The following SLC15A5 variants were observed in gnomAD, a reference collection of about 807,000 sequenced individuals.
The protein encoded by SLC15A5 is Peptide/histidine transporter ENSP00000340402.
A neutral mutation model predicts 56.1 loss-of-function variants in SLC15A5; 58 were observed. The observed-to-expected ratio is 1.03, with a 90% CI of 0.84 to 1.29. SLC15A5 has a LOEUF of 1.29. SLC15A5 is among the 50% of genes most tolerant of loss of function. The pLI, the probability that SLC15A5 is intolerant of heterozygous loss-of-function variation, is 0.00. For synonymous variants in SLC15A5, 264 were observed against 250.5 expected (o/e 1.05, Z -0.51); for missense variants, 681 against 672.1 (o/e 1.01, Z -0.15).
At chr12:16,193,402 G>A (rs1343951990) in intron 8 of SLC15A5, among the ~76,000 whole-genome samples, 4 of 152,000 alleles carry the variant, frequency 2.6e-5, no homozygotes, top group African/African-American at 9.7e-5. Context: ...AATGAGAGCA[G>A]AACACTGGTG....
chr12:16,239,222 A>T (rs1028746080), intron 5 of SLC15A5, among the ~76,000 whole-genome samples: 1 of 140,102 alleles, frequency 7.1e-6, no homozygotes, highest in African/African-American at 2.7e-5. Context: ...TTATGTTCTG[A>T]GAATGATATC....
At chr12:16,270,616 A>G (rs1381345855) in intron 2 of SLC15A5, among the ~76,000 whole-genome samples, 1 of 152,312 alleles carries the variant, frequency 6.6e-6, no homozygotes, top group East Asian at 1.9e-4. Context: ...TTTATATATA[A>G]GTGATACAAT....
At chr12:16,266,525 C>T (rs1320433354) in intron 2 of SLC15A5, among the ~76,000 whole-genome samples, 2 of 152,086 alleles carry the variant, frequency 1.3e-5, no homozygotes, top group Non-Finnish European at 2.9e-5. Flanking sequence ...TAACAAATGC[C>T]ACCCAACATA....
intron 5 of SLC15A5, among the ~76,000 whole-genome samples, chr12:16,226,496 A>G (rs1864242461): frequency 6.6e-6 from 1 of 152,160 alleles, no homozygotes; most frequent in African/African-American, 2.4e-5. Context: ...ATATAAAATT[A>G]TCTTTATATA....
chr12:16,257,745 G>A lies in SLC15A5; in HGVS notation c.710C>T (p.Thr237Ile), dbSNP rs779275560. 2.6e-6 allele frequency: 4 copies of A among 1,525,414 alleles called. No individual in the cohort carries two copies. The highest frequency in any genetic ancestry group is 2.1e-5 in the Admixed American group (1 of 48,358). The allele number at this position is 1,525,414 out of a possible 1,614,324, so 94.5% of individuals were successfully genotyped here. Residue 237 changes from threonine to isoleucine, a missense_variant, in exon 3 of 9, where the codon ACT becomes ATT. Transcript: ENST00000344941. ...PFMSMLMAVI[T>I]LHMIYYNLIY... ...TAGGTTGTAGTATATCATATGAAGA[G>A]TTATCACAGCCATAAGCATAGACAT...
intron 5 of SLC15A5, among the ~76,000 whole-genome samples, chr12:16,238,390 G>A (rs1864372882): frequency 6.6e-6 from 1 of 152,116 alleles, no homozygotes; most frequent in Admixed American, 6.5e-5. Context: ...CACTTTGGGA[G>A]GCCGAGGCGG....
At chr12:16,260,191 A>G (rs1864629932) in intron 2 of SLC15A5, among the ~76,000 whole-genome samples, 1 of 152,114 alleles carries the variant, frequency 6.6e-6, no homozygotes, top group African/African-American at 2.4e-5. Flanking sequence ...GTGTAAGGGG[A>G]GCAGGACTTT....
intron 7 of SLC15A5, among the ~76,000 whole-genome samples, chr12:16,203,643 T>A (rs1397040303): frequency 1.3e-5 from 2 of 152,170 alleles, no homozygotes; most frequent in African/African-American, 4.8e-5. Context: ...AAATAAGATA[T>A]CCTCATTAAG....
chr12:16,189,025 T>C lies in SLC15A5; in HGVS notation c.*643A>G, dbSNP rs899821767. On this transcript the variant is annotated 3_prime_UTR_variant, in exon 9 of 9. Coordinates refer to ENST00000344941, the MANE Select transcript of SLC15A5 (RefSeq NM_001170798.1). ...TCCCTAATTTCCTTCTTTCTTTTAA[T>C]TCCAATAATTCCATAACTTACATTT... 6.6e-6 allele frequency: 1 copy of C among 152,078 alleles called. No individual in the cohort carries two copies. Among genetic ancestry groups the C allele is most frequent in the Admixed American group, 6.6e-5 (1 of 15,250 alleles). 9.4% of individuals were successfully genotyped at this position (152,078 alleles called of 1,614,324 possible).
At chr12:16,203,919 G>T (rs1426095423) in intron 7 of SLC15A5, among the ~76,000 whole-genome samples, 2 of 152,120 alleles carry the variant, frequency 1.3e-5, no homozygotes, top group Non-Finnish European at 2.9e-5. Flanking sequence ...GATCACCTCA[G>T]TGAGTTGTAA....
chr12:16,277,108 T>C (rs1414989802), intron 1 of SLC15A5, among the ~76,000 whole-genome samples: 1 of 91,376 alleles, frequency 1.1e-5, no homozygotes, highest in Non-Finnish European at 2.0e-5. Context: ...AATGCAATGA[T>C]ATAGGCACAA....
intron 2 of SLC15A5, among the ~76,000 whole-genome samples, chr12:16,270,721 A>G (rs1013226893): frequency 1.3e-5 from 2 of 152,182 alleles, no homozygotes; most frequent in Non-Finnish European, 2.9e-5. Flanking sequence ...TAAGTGACAG[A>G]GCCAGGATTC....
rs1397149922 is a variant in SLC15A5 at position 16,237,995 on chromosome 12, G to A, written c.1162+1686C>T. 1.3e-5 allele frequency among the ~76,000 whole-genome samples: 2 copies of A among 152,106 alleles called. No homozygotes were observed. Among genetic ancestry groups the A allele is most frequent in the East Asian group, 1.9e-4 (1 of 5,194 alleles). On this transcript the variant is annotated intron_variant, in intron 5 of 8. Coordinates refer to ENST00000344941, the MANE Select transcript of SLC15A5 (RefSeq NM_001170798.1). The surrounding 1 kb of genome is among the most constrained non-coding windows in gnomAD (Gnocchi z 4.1). ...GATTTCTACATTGGCAGACAGAAAA[G>A]CACTTTTTAAGTCTTAAGGATTATC...
At chr12:16,261,333 A>C (rs1217398968) in intron 2 of SLC15A5, among the ~76,000 whole-genome samples, 2 of 152,132 alleles carry the variant, frequency 1.3e-5, no homozygotes, top group Non-Finnish European at 2.9e-5. Flanking sequence ...AAAAGTATTA[A>C]ATTATCTGTA....
chr12:16,215,000 T>G (rs1316414762), intron 7 of SLC15A5, among the ~76,000 whole-genome samples: 1 of 151,654 alleles, frequency 6.6e-6, no homozygotes, highest in Non-Finnish European at 1.5e-5. Flanking sequence ...GTCAAGAGAT[T>G]GAGACCATCC....
chr12:16,264,226 G>A (rs1266260114), intron 2 of SLC15A5, among the ~76,000 whole-genome samples: 1 of 152,232 alleles, frequency 6.6e-6, no homozygotes, highest in East Asian at 1.9e-4. Context: ...GCATTAGCAT[G>A]ACCTAAATGT....
intron 3 of SLC15A5, among the ~76,000 whole-genome samples, chr12:16,253,939 A>G (rs543482364): frequency 3.6e-4 from 55 of 152,268 alleles, no homozygotes; most frequent in Non-Finnish European, 5.1e-4. Context: ...CTGAGTATAT[A>G]TCCATAAGAA....
intron 5 of SLC15A5, among the ~76,000 whole-genome samples, chr12:16,234,642 T>A (rs1184264935): frequency 6.6e-6 from 1 of 152,168 alleles, no homozygotes; most frequent in Non-Finnish European, 1.5e-5. Context: ...AGATAAATAA[T>A]GTGTGTTTTA....
In SLC15A5 at chr12:16,224,529, A is replaced by C; in HGVS notation, c.1236T>G (p.Pro412=). 2.0e-6 allele frequency: 3 copies of C among 1,537,204 alleles called. No homozygotes were observed. The highest frequency in any genetic ancestry group is 1.7e-4 in the Middle Eastern group (1 of 5,990). ...GFFEIHRKHF[P]AVEQPLSGKV... is the part of the protein sequence containing the mutation. Reference sequence around the variant, plus strand: ...TTCCTGAAAGGGGCTGCTCCACTGCAGGGAAATGTTTTCGGTGTATTTCAA... The same window carrying C: ...TTCCTGAAAGGGGCTGCTCCACTGCCGGGAAATGTTTTCGGTGTATTTCAA... Residue 412 remains proline, a synonymous_variant, in exon 6 of 9, where the codon CCT becomes CCG. Transcript: ENST00000344941.
Sources: gnomAD v4.1 joint callset for allele counts (sites outside exome capture counted in the v4.1 genomes callset) on GRCh38, gnomAD v4.1.1 for gene constraint, Gnocchi (gnomAD v3.1) non-coding constraint, MANE v1.5 for transcripts, NCBI Gene and HGNC (gene_info 2026-07-23, HGNC 2026-07-21) for gene names.